Variants in PAK1 observed in about 807,000 individuals in gnomAD.
PAK1 encodes the protein p21 (RAC1) activated kinase 1.
A neutral mutation model predicts 67.4 loss-of-function variants in PAK1; 29 were observed. The ratio of observed to expected loss-of-function variants is 0.43; its 90% CI spans 0.32 to 0.59. The LOEUF is 0.59. Among genes scored for constraint, PAK1 ranks in the 20% least tolerant of loss-of-function variants. The probability of loss-of-function intolerance (pLI) is 0.07; values close to 1 mark genes in which losing one functional copy is unlikely to be tolerated. For synonymous variants in PAK1, 223 were observed against 237.4 expected (o/e 0.94, Z 0.56); for missense variants, 337 against 670.7 (o/e 0.50, Z 5.50).
At position 77,333,341 on chromosome 11, in the gene PAK1, G is replaced by A. The variant is rs868248718; in HGVS notation, c.1414-474C>T. On this transcript the variant is annotated intron_variant, in intron 13 of 14. Transcript: ENST00000356341. Reference sequence around the variant, plus strand: ...GCCTCCCAAGTAGCTGGGATTACAGGCACCAGCCACTACACCCGACTGCTT... The same window carrying A: ...GCCTCCCAAGTAGCTGGGATTACAGACACCAGCCACTACACCCGACTGCTT... 7.9e-5 allele frequency among the ~76,000 whole-genome samples: 12 copies of A among 151,886 alleles called. No individual in the cohort carries two copies. The Middle Eastern group carries it at 0.01, about 130-fold the overall frequency.
intron 1 of PAK1, among the ~76,000 whole-genome samples, chr11:77,421,432 C>T (rs1304114846): frequency 2.0e-5 from 3 of 152,238 alleles, no homozygotes; most frequent in Admixed American, 1.3e-4. Context: ...TCTATATCAG[C>T]ACCCTTTATT....
intron 8 of PAK1, among the ~76,000 whole-genome samples, chr11:77,352,627 G>A (rs1945419862): frequency 6.6e-6 from 1 of 152,130 alleles, no homozygotes; most frequent in Admixed American, 6.6e-5. Flanking sequence ...CTCACCTAGA[G>A]CAACTTCCAG....
At chr11:77,411,530 C>G (rs1954528054) in intron 1 of PAK1, among the ~76,000 whole-genome samples, 1 of 151,970 alleles carries the variant, frequency 6.6e-6, no homozygotes, top group Non-Finnish European at 1.5e-5. Flanking sequence ...TCCCCAAAGG[C>G]GCAGCTTCCC....
chr11:77,430,286 A>G (rs1298935455), intron 1 of PAK1, among the ~76,000 whole-genome samples: 1 of 152,214 alleles, frequency 6.6e-6, no homozygotes, highest in East Asian at 1.9e-4. Flanking sequence ...GTTTTTGGTG[A>G]GGAAAAACAT....
At chr11:77,346,064 C>T (rs1362396159) in intron 9 of PAK1, among the ~76,000 whole-genome samples, 1 of 152,188 alleles carries the variant, frequency 6.6e-6, no homozygotes, top group African/African-American at 2.4e-5. Flanking sequence ...ACCTCTGCCC[C>T]CAGGGTTCAA....
chr11:77,500,528 G>C, the PAK1 span, among the ~76,000 whole-genome samples: 1 of 152,054 alleles, frequency 6.6e-6, no homozygotes, highest in Admixed American at 6.5e-5. Context: ...TCCACGTCTT[G>C]TGGAAATCCA....
intron 5 of PAK1, among the ~76,000 whole-genome samples, chr11:77,369,098 A>C (rs1301582136): frequency 6.6e-6 from 1 of 152,134 alleles, no homozygotes; most frequent in Admixed American, 6.5e-5. Context: ...TGTTTTTTCC[A>C]CTATTTCTAA....
chr11:77,448,213 G>GA (rs769504315), intron 1 of PAK1, among the ~76,000 whole-genome samples: 3 of 152,110 alleles, frequency 2.0e-5, no homozygotes, highest in South Asian at 2.1e-4. Flanking sequence ...ACTCATATGG[G>GA]AAAAAATGGA....
chr11:77,523,632 C>A, the PAK1 span, among the ~76,000 whole-genome samples: 3 of 152,198 alleles, frequency 2.0e-5, no homozygotes, highest in South Asian at 6.2e-4. Flanking sequence ...GTTGGCCAGG[C>A]TGGTCTCAAA....
the PAK1 span, among the ~76,000 whole-genome samples, chr11:77,480,771 G>T: frequency 6.6e-6 from 1 of 152,018 alleles, no homozygotes; most frequent in African/African-American, 2.4e-5. Context: ...TGATCCACCT[G>T]CCTCAGCCTC....
chr11:77,529,801 A>G, the PAK1 span: 1 of 152,280 alleles, frequency 6.6e-6, no homozygotes, highest in African/African-American at 2.4e-5. Context: ...GAAGACGGAA[A>G]AGAATAGGCC....
chr11:77,333,364 C>T (rs530731683), intron 13 of PAK1, among the ~76,000 whole-genome samples: 13 of 152,048 alleles, frequency 8.5e-5, no homozygotes, highest in Admixed American at 4.6e-4. Flanking sequence ...CACCCGACTG[C>T]TTTTCGTATT....
At chr11:77,392,645 C>T in intron 1 of PAK1, 104 bp from the exon 2 acceptor site, 1 of 822,882 alleles carries the variant, frequency 1.2e-6, no homozygotes, top group Non-Finnish European at 1.8e-6. Flanking sequence ...GCCCTTCCTT[C>T]AGGGTCTAGC....
At chr11:77,450,426 A>G (rs1956805730) in intron 1 of PAK1, among the ~76,000 whole-genome samples, 1 of 152,180 alleles carries the variant, frequency 6.6e-6, no homozygotes, top group Non-Finnish European at 1.5e-5. Context: ...TGGCCTGACC[A>G]TATTTGCAAA....
At chr11:77,407,634 G>GGT (rs1565678458) in intron 1 of PAK1, among the ~76,000 whole-genome samples, 1 of 152,170 alleles carries the variant, frequency 6.6e-6, no homozygotes, top group East Asian at 1.9e-4. Context: ...AACCCTATGA[G>GGT]GTGTTAAATC....
Position 77,349,503 on chromosome 11 carries a change from T to A in PAK1, c.837-216A>T, listed in dbSNP as rs1402025294. 9.0e-6 allele frequency: 5 copies of A among 555,184 alleles called. No individual in the cohort carries two copies. In the Admixed American group the frequency reaches 1.2e-4, roughly 13 times the overall value. 34.4% of individuals were successfully genotyped at this position (555,184 alleles called of 1,614,324 possible). A position where few individuals can be genotyped will look rare whatever the true frequency, so the allele number is the denominator to read the frequency against. ...TGGCCAGGAGACCTGAATTCCAACC[T>A]GGTACTTCTACCTAGTACCTACTAG... On this transcript the variant is annotated intron_variant, in intron 8 of 14. Transcript: ENST00000356341.
chr11:77,436,497 A>C (rs1479481770), intron 1 of PAK1, among the ~76,000 whole-genome samples: 2 of 152,160 alleles, frequency 1.3e-5, no homozygotes, highest in African/African-American at 2.4e-5. Context: ...TCTCTCTCTT[A>C]ATTACCTCTC....
chr11:77,528,561 T>A, the PAK1 span, among the ~76,000 whole-genome samples: 4 of 152,050 alleles, frequency 2.6e-5, no homozygotes, highest in Non-Finnish European at 5.9e-5. Context: ...AGCAGACTGG[T>A]CTCAAATTTC....
the PAK1 span, among the ~76,000 whole-genome samples, chr11:77,508,479 C>T: frequency 6.6e-6 from 1 of 152,040 alleles, no homozygotes; most frequent in Non-Finnish European, 1.5e-5. Context: ...TAACTCCTCC[C>T]ACCATAGTTG....
Sources: gnomAD v4.1 joint callset for allele counts (sites outside exome capture counted in the v4.1 genomes callset) on GRCh38, gnomAD v4.1.1 for gene constraint, MANE v1.5 for transcripts, NCBI Gene and HGNC (gene_info 2026-07-23, HGNC 2026-07-21) for gene names.